WWTR1: variants seen among roughly 807,000 people sequenced by gnomAD.
WWTR1 encodes the protein WW domain containing transcription regulator 1, also known as WW domain-containing transcription regulator protein 1.
WWTR1 carries 13 observed loss-of-function variants against 40.1 expected under a neutral mutation model. The ratio of observed to expected loss-of-function variants is 0.32; its 90% confidence interval spans 0.21 to 0.52. The LOEUF is 0.52. WWTR1 is among the 20% of genes least tolerant of loss of function. The probability of loss-of-function intolerance (pLI) is 0.97; values close to 1 mark genes in which losing one functional copy is unlikely to be tolerated. For missense variants in WWTR1, 436 were observed against 523.1 expected (o/e 0.83, Z 1.63); for synonymous variants, 230 against 210.1 (o/e 1.09, Z -0.82).
chr3:149,714,542 C>A (rs917025163), intron 5 of WWTR1, among the ~76,000 whole-genome samples: 3 of 152,248 alleles, frequency 2.0e-5, no homozygotes, highest in African/African-American at 7.2e-5. Context: ...TCATCTCTGC[C>A]CTCTCTGGAC....
At chr3:149,651,974 C>T (rs1187128484) in intron 2 of WWTR1, among the ~76,000 whole-genome samples, 2 of 148,990 alleles carry the variant, frequency 1.3e-5, no homozygotes, top group Non-Finnish European at 3.0e-5. Context: ...TACAGGCGCC[C>T]GCTGCCACGC....
At chr3:149,705,722 C>G (rs1715312420), upstream of WWTR1, among the ~76,000 whole-genome samples, 1 of 152,180 alleles carries the variant, frequency 6.6e-6, no homozygotes, top group African/African-American at 2.4e-5. Flanking sequence ...GCACTGAAAA[C>G]ATATATTAGC....
chr3:149,560,392 G>GATATAGGGAAGAAATGA (rs1216147061), intron 3 of WWTR1, among the ~76,000 whole-genome samples: 3 of 152,180 alleles, frequency 2.0e-5, no homozygotes, highest in Admixed American at 6.5e-5. Context: ...AGGCTGCAGT[G>GATATAGGGAAGAAATGA]ACCCAGGCAG....
intron 2 of WWTR1, among the ~76,000 whole-genome samples, chr3:149,591,596 C>T (rs533533633): frequency 4.0e-5 from 6 of 151,478 alleles, no homozygotes; most frequent in Admixed American, 3.3e-4. Context: ...TTTCTCTAAA[C>T]AAAAAAAAGT....
intron 3 of WWTR1, among the ~76,000 whole-genome samples, chr3:149,569,236 C>G (rs1737509903): frequency 6.6e-6 from 1 of 152,024 alleles, no homozygotes; most frequent in Non-Finnish European, 1.5e-5. Flanking sequence ...CATTTTTATT[C>G]TAGAAAGCAC....
At chr3:149,587,249 G>C (rs1738470506) in intron 2 of WWTR1, among the ~76,000 whole-genome samples, 1 of 152,178 alleles carries the variant, frequency 6.6e-6, no homozygotes, top group Non-Finnish European at 1.5e-5. Context: ...CACCCAGTTG[G>C]TGTCTGCTAG....
At chr3:149,702,331 T>C (rs1407824990) in intron 1 of WWTR1, 2 of 152,180 alleles carry the variant, frequency 1.3e-5, no homozygotes, top group East Asian at 1.9e-4. Flanking sequence ...ATGTTGTCTG[T>C]CTCAGAATGG....
At chr3:149,537,615 T>A (rs1735897542) in intron 4 of WWTR1, among the ~76,000 whole-genome samples, 1 of 152,234 alleles carries the variant, frequency 6.6e-6, no homozygotes, top group African/African-American at 2.4e-5. Context: ...TAAAATTCAC[T>A]CTTTGTGGTA....
rs962368844 is a variant in WWTR1, at chr3:149,678,899, C to T, written c.-107-9008G>A. Among the ~76,000 whole-genome samples the T allele has an allele frequency of 6.7e-5, 10 of 149,746 alleles. 1 individual carries two copies. The highest frequency in any genetic ancestry group is 5.4e-4 in the Admixed American group (8 of 14,866). ...GTGCAATGGTGCAGTGGCGTGATCTCGGCTCACTGCAACCTCCGCCTCCCA... is the reference window on the plus strand; with the variant it reads ...GTGCAATGGTGCAGTGGCGTGATCTTGGCTCACTGCAACCTCCGCCTCCCA... On this transcript the variant is annotated intron_variant, in intron 1 of 7. Coordinates refer to the WWTR1 transcript ENST00000465804.
chr3:149,543,035 A>G (rs1273969643), intron 3 of WWTR1, among the ~76,000 whole-genome samples: 6 of 152,242 alleles, frequency 3.9e-5, no homozygotes, highest in African/African-American at 1.4e-4. Context: ...GAGCCGACAT[A>G]TAAGGAGGAC....
In WWTR1 at chr3:149,655,445, A is replaced by G. The variant is rs113269237; in HGVS notation, c.431+1431T>C. Among the ~76,000 whole-genome samples the G allele has an allele frequency of 6.8e-3, 1,010 of 148,556 alleles. 12 individuals are homozygous for G. The highest frequency in any genetic ancestry group is 0.025 in the African/African-American group (965 of 38,128). ...GGGCGACAGAGTGAGACTTTGTCTC[A>G]AAAACAAAAACAAACAACAAACAAC... On this transcript the variant is annotated intron_variant, in intron 2 of 6. Coordinates refer to ENST00000360632, the MANE Select transcript of WWTR1 (RefSeq NM_015472.6).
chr3:149,674,235 G>GTC (rs558112555), intron 1 of WWTR1, among the ~76,000 whole-genome samples: 1,750 of 148,522 alleles, frequency 0.012, 26 homozygotes, highest in African/African-American at 0.04. Context: ...CTCTGTCTCT[G>GTC]TCTCTCTCTC....
rs552358952 is a variant in WWTR1 at position 149,532,883 on chromosome 3, A to G, written c.772-4914T>C. 5.7e-4 allele frequency among the ~76,000 whole-genome samples: 87 copies of G among 152,342 alleles called. 1 individual carries two copies. Among genetic ancestry groups the G allele is most frequent in the African/African-American group, 2.0e-3 (85 of 41,580 alleles). On this transcript the variant is annotated intron_variant, in intron 4 of 6. Transcript: ENST00000360632. ...AAGCAGCTGAAGCAAAGACAAAGAC[A>G]GGCACTGGATGAAGTAAGCTTCCAT...
chr3:149,533,787 G>T (rs1191100323), intron 4 of WWTR1, among the ~76,000 whole-genome samples: 1 of 152,194 alleles, frequency 6.6e-6, no homozygotes, highest in East Asian at 1.9e-4. Context: ...TTATAAGACT[G>T]ATCTTGCTGG....
At chr3:149,609,116 G>A (rs1739618718) in intron 2 of WWTR1, among the ~76,000 whole-genome samples, 1 of 151,964 alleles carries the variant, frequency 6.6e-6, no homozygotes, top group African/African-American at 2.4e-5. Context: ...AGCTCTACAC[G>A]AAGCCCTAGA....
intron 3 of WWTR1, among the ~76,000 whole-genome samples, chr3:149,561,933 A>T (rs1216797689): frequency 1.3e-5 from 2 of 152,198 alleles, no homozygotes; most frequent in African/African-American, 4.8e-5. Flanking sequence ...CTTTGGAACT[A>T]TTTGGATTTT....
intron 6 of WWTR1, among the ~76,000 whole-genome samples, chr3:149,522,368 A>G (rs977919369): frequency 6.6e-6 from 1 of 152,218 alleles, no homozygotes; most frequent in Non-Finnish European, 1.5e-5. Flanking sequence ...TGGTGATAGC[A>G]AAACACAATG....
At chr3:149,584,772 AACTG>A (rs1326674470) in intron 2 of WWTR1, among the ~76,000 whole-genome samples, 3 of 152,222 alleles carry the variant, frequency 2.0e-5, no homozygotes, top group South Asian at 2.1e-4. Context: ...TTCTGCCATT[AACTG>A]ACTAAGAGAC....
chr3:149,540,355 T>C (rs553867003), intron 4 of WWTR1: 3 of 445,160 alleles, frequency 6.7e-6, no homozygotes, highest in African/African-American at 6.0e-5. Flanking sequence ...AGGAAACAAT[T>C]TGGGGCACTT....
Sources: allele counts gnomAD v4.1 joint callset (sites outside exome capture counted in the v4.1 genomes callset), GRCh38; gene constraint gnomAD v4.1.1; transcripts MANE v1.5; gene names NCBI Gene and HGNC (gene_info 2026-07-23, HGNC 2026-07-21).